Variants in CNTNAP5 observed in about 807,000 individuals in gnomAD.
CNTNAP5 encodes contactin associated protein family member 5.
CNTNAP5 carries 72 observed loss-of-function variants against 150.2 expected under a neutral mutation model. The observed-to-expected ratio is 0.48, with a 90% CI of 0.40 to 0.58. The LOEUF (loss-of-function observed/expected upper bound fraction) is 0.58, where lower values mean the gene tolerates loss of function less well. CNTNAP5 is among the 20% of genes least tolerant of loss of function. CNTNAP5 has a pLI of 0.00. For missense variants in CNTNAP5, 1,636 were observed against 1,626.2 expected (o/e 1.01, Z -0.10); for synonymous variants, 672 against 619.8 (o/e 1.08, Z -1.25).
chr2:124,448,269 AAAT>A (rs869148616), intron 6 of CNTNAP5, among the ~76,000 whole-genome samples: 353 of 144,276 alleles, frequency 2.4e-3, no homozygotes, highest in Admixed American at 4.0e-3. Flanking sequence ...CTCCGTCTTA[AAAT>A]AATAATAATA....
chr2:124,178,814 T>C (rs538524477), intron 1 of CNTNAP5, among the ~76,000 whole-genome samples: 1 of 152,268 alleles, frequency 6.6e-6, no homozygotes, highest in Non-Finnish European at 1.5e-5. Context: ...GTGTGCTCAT[T>C]ATCACAGACT....
intron 10 of CNTNAP5, among the ~76,000 whole-genome samples, chr2:124,548,511 G>A (rs1695563231): frequency 6.6e-6 from 1 of 152,156 alleles, no homozygotes; most frequent in Non-Finnish European, 1.5e-5. Context: ...TGTAACCTTT[G>A]TTTTCAGCTC....
chr2:124,104,629 G>T (rs146715628), intron 1 of CNTNAP5, among the ~76,000 whole-genome samples: 138 of 152,176 alleles, frequency 9.1e-4, no homozygotes, highest in African/African-American at 3.2e-3. Flanking sequence ...TTACTTATAT[G>T]GCAAAGTAAA....
intron 1 of CNTNAP5, among the ~76,000 whole-genome samples, chr2:124,169,261 G>A (rs1684876818): frequency 6.6e-6 from 1 of 152,036 alleles, no homozygotes; most frequent in Admixed American, 6.6e-5. Context: ...TATTGGCCTG[G>A]GTTAGGGACT....
intron 19 of CNTNAP5, among the ~76,000 whole-genome samples, chr2:124,844,245 C>A (rs1683001317): frequency 6.6e-6 from 1 of 151,910 alleles, no homozygotes; most frequent in Non-Finnish European, 1.5e-5. Flanking sequence ...GACAATTATC[C>A]CAATACAATT....
At chr2:124,713,576 A>G (rs1329693316) in intron 13 of CNTNAP5, among the ~76,000 whole-genome samples, 1 of 151,686 alleles carries the variant, frequency 6.6e-6, no homozygotes, top group African/African-American at 2.4e-5. Context: ...GGGTTTCACT[A>G]TGTCGGCTAG....
intron 2 of CNTNAP5, among the ~76,000 whole-genome samples, chr2:124,225,846 T>A (rs1686444581): frequency 6.6e-6 from 1 of 152,170 alleles, no homozygotes; most frequent in Non-Finnish European, 1.5e-5. Context: ...ATTTTTCAGA[T>A]TCCTCATATA....
In CNTNAP5 at chr2:124,884,301, ATTTG is replaced by A. The variant is rs148220419; in HGVS notation, c.3436+14545_3436+14548del. ...TGTACATGCATGTCTCTGTGTGTGCATTTGTTTGTATGTGTATGTGCATATTCCT... is the reference window on the plus strand; with the variant it reads ...TGTACATGCATGTCTCTGTGTGTGCATTTGTATGTGTATGTGCATATTCCT... On this transcript the variant is annotated intron_variant, in intron 21 of 23. Transcript: ENST00000682447. Among the ~76,000 whole-genome samples, 225 of 151,778 alleles carry A rather than the reference ATTTG, an allele frequency of 1.5e-3. 4 individuals are homozygous for A. Among genetic ancestry groups the A allele is most frequent in the African/African-American group, 5.1e-3 (210 of 41,350 alleles).
In CNTNAP5 at chr2:124,709,232, C is replaced by CGTGTGT. The variant is rs778269827; in HGVS notation, c.2078-37975_2078-37970dup. 4.3e-3 allele frequency among the ~76,000 whole-genome samples: 591 copies of CGTGTGT among 138,820 alleles called. 4 individuals are homozygous for CGTGTGT. Among genetic ancestry groups the CGTGTGT allele is most frequent in the African/African-American group, 0.015 (566 of 38,338 alleles). The allele number at this position is 138,820 out of a possible 152,430, so 91.1% of individuals were successfully genotyped here. On this transcript the variant is annotated intron_variant, in intron 13 of 23. Transcript: ENST00000682447. ...GGGAGGGAGGGTGTGTGTGTGTGTG[C>CGTGTGT]GTGTGTGTGTGTGTGTGTGTGTGTG... is the stretch of plus-strand genomic sequence containing the variant.
At chr2:124,770,561 G>A (rs1401016854) in intron 16 of CNTNAP5, among the ~76,000 whole-genome samples, 4 of 152,196 alleles carry the variant, frequency 2.6e-5, no homozygotes, top group Admixed American at 2.6e-4. Context: ...GTGGGGTCCA[G>A]TCATCTCTCA....
Position 124,082,969 on chromosome 2 carries a change from G to C in CNTNAP5, c.82+57237G>C, listed in dbSNP as rs117843580. 2.1e-3 allele frequency among the ~76,000 whole-genome samples: 317 copies of C among 152,182 alleles called. 4 individuals are homozygous for C. The South Asian group carries it at 0.029, about 14-fold the overall frequency. On this transcript the variant is annotated intron_variant, in intron 1 of 23. Transcript: ENST00000682447. ...GGTGAAATTTCTCTTTATGTCATTT[G>C]CCCAGTTGTAACTGGATCATTTACT... is the stretch of plus-strand genomic sequence containing the variant.
intron 3 of CNTNAP5, among the ~76,000 whole-genome samples, chr2:124,335,193 CT>C (rs1573923350): frequency 6.6e-6 from 1 of 152,126 alleles, no homozygotes; most frequent in African/African-American, 2.4e-5. Flanking sequence ...TGGGTAGGCA[CT>C]TCTGGTATTA....
At chr2:124,126,124 G>T (rs936918352) in intron 1 of CNTNAP5, among the ~76,000 whole-genome samples, 4 of 152,238 alleles carry the variant, frequency 2.6e-5, no homozygotes, top group African/African-American at 9.6e-5. Context: ...ATGAATTCAG[G>T]AGCTGGTTTT....
intron 4 of CNTNAP5, among the ~76,000 whole-genome samples, chr2:124,430,150 G>A (rs1168677832): frequency 1.3e-5 from 2 of 152,052 alleles, no homozygotes; most frequent in African/African-American, 4.8e-5. Context: ...TTAGAAAAAG[G>A]GCCAGGTGGG....
intron 4 of CNTNAP5, among the ~76,000 whole-genome samples, chr2:124,426,743 A>G (rs936392002): frequency 2.0e-5 from 3 of 152,316 alleles, no homozygotes. Context: ...ACAAGCTACC[A>G]ACATCCATCA....
At chr2:124,313,651 G>A (rs1025431424) in intron 3 of CNTNAP5, among the ~76,000 whole-genome samples, 3 of 152,262 alleles carry the variant, frequency 2.0e-5, no homozygotes, top group Non-Finnish European at 4.4e-5. Context: ...CCTTCCACCC[G>A]TGGTAACTGT....
chr2:124,707,123 A>AAG (rs1553433647), intron 13 of CNTNAP5, among the ~76,000 whole-genome samples: 2 of 73,198 alleles, frequency 2.7e-5, no homozygotes, highest in African/African-American at 1.1e-4. Flanking sequence ...GAAGAAGAAG[A>AAG]AAGAAGAAGA....
chr2:124,437,790 A>T (rs1022916539), intron 5 of CNTNAP5, among the ~76,000 whole-genome samples: 1 of 152,278 alleles, frequency 6.6e-6, no homozygotes, highest in East Asian at 1.9e-4. Flanking sequence ...GGTGAGAGAG[A>T]CAGAGAGAAA....
At chr2:124,350,411 A>C (rs2104701593) in intron 3 of CNTNAP5, among the ~76,000 whole-genome samples, 1 of 151,892 alleles carries the variant, frequency 6.6e-6, no homozygotes, top group South Asian at 2.1e-4. Context: ...ATATGTATAT[A>C]AATTTAAAGT....
Sources: allele counts gnomAD v4.1 joint callset (sites outside exome capture counted in the v4.1 genomes callset), GRCh38; gene constraint gnomAD v4.1.1; transcripts MANE v1.5; gene names NCBI Gene and HGNC (gene_info 2026-07-23, HGNC 2026-07-21).